CNTNAP2: variants seen among roughly 807,000 people sequenced by gnomAD.
CNTNAP2 encodes the protein contactin-associated protein-like 2.
A neutral mutation model predicts 155.2 loss-of-function variants in CNTNAP2; 98 were observed. The observed-to-expected ratio is 0.63, with a 90% CI of 0.54 to 0.75. The LOEUF (loss-of-function observed/expected upper bound fraction) is 0.75. CNTNAP2 is among the 30% of genes least tolerant of loss of function. CNTNAP2 has a pLI of 0.00. For missense variants in CNTNAP2, 1,727 were observed against 1,688.1 expected, an observed-to-expected ratio of 1.02 and a Z score of -0.40; for synonymous variants, 651 against 631.2, an observed-to-expected ratio of 1.03 and a Z score of -0.47.
At chr7:146,915,759 C>G (rs1230626650) in intron 3 of CNTNAP2, 2 of 151,950 alleles carry the variant, frequency 1.3e-5, no homozygotes, top group East Asian at 3.9e-4. Context: ...AGAATTATAT[C>G]ATCAGCAAAA....
intron 13 of CNTNAP2, among the ~76,000 whole-genome samples, chr7:147,861,108 A>C (rs1799126862): frequency 6.6e-6 from 1 of 152,140 alleles, no homozygotes; most frequent in Non-Finnish European, 1.5e-5. Flanking sequence ...TGTGATAAGG[A>C]TTTTCACCTC....
chr7:147,182,143 A>AAAAAG (rs1802471777), intron 8 of CNTNAP2, among the ~76,000 whole-genome samples: 1 of 150,954 alleles, frequency 6.6e-6, no homozygotes, highest in South Asian at 2.1e-4. Flanking sequence ...AAAAAAAAAA[A>AAAAAG]AAAGAAAGTA....
In CNTNAP2 at chr7:146,814,901, G is replaced by T. The variant is rs772846031; in HGVS notation, c.209-24810G>T. 3.5e-4 allele frequency among the ~76,000 whole-genome samples: 53 copies of T among 152,114 alleles called. 1 individual carries two copies. The highest frequency in any genetic ancestry group is 7.4e-5 in the Non-Finnish European group (5 of 68,020). ...TTATGACACACCCACTTATCAGTAA[G>T]ACACGAATGTAACATTTCCTGAGAT... On this transcript the variant is annotated intron_variant, in intron 2 of 23. Coordinates refer to ENST00000361727, the MANE Select transcript of CNTNAP2 (RefSeq NM_014141.6).
At chr7:146,840,138 A>C (rs1803692699) in intron 3 of CNTNAP2, among the ~76,000 whole-genome samples, 1 of 152,242 alleles carries the variant, frequency 6.6e-6, no homozygotes, top group African/African-American at 2.4e-5. Flanking sequence ...AGGAAGTTTT[A>C]AAGCACGTAG....
intron 13 of CNTNAP2, among the ~76,000 whole-genome samples, chr7:147,880,131 C>T (rs1245429859): frequency 6.6e-6 from 1 of 152,186 alleles, no homozygotes; most frequent in African/African-American, 2.4e-5. Flanking sequence ...GAGAAGTGGT[C>T]AGAATTTCCT....
At chr7:147,292,792 A>G (rs964262639) in intron 8 of CNTNAP2, among the ~76,000 whole-genome samples, 27 of 152,250 alleles carry the variant, frequency 1.8e-4, no homozygotes, top group Non-Finnish European at 3.4e-4. Context: ...TATTTGAGAC[A>G]GGGTTTTGCT....
At chr7:148,111,090 C>T (rs1213711464) in intron 15 of CNTNAP2, among the ~76,000 whole-genome samples, 1 of 152,122 alleles carries the variant, frequency 6.6e-6, no homozygotes, top group African/African-American at 2.4e-5. Context: ...AAATCCACCA[C>T]CATCCCAGAC....
chr7:146,833,973 G>A (rs1041032819), intron 2 of CNTNAP2, among the ~76,000 whole-genome samples: 11 of 152,068 alleles, frequency 7.2e-5, no homozygotes, highest in Non-Finnish European at 1.5e-4. Context: ...GGGTCTCAAA[G>A]CCTGAACTCA....
intron 10 of CNTNAP2, among the ~76,000 whole-genome samples, chr7:147,425,134 A>C (rs62481223): frequency 2.5e-4 from 33 of 130,064 alleles, no homozygotes; most frequent in African/African-American, 7.2e-4. Context: ...TTGCAAGTGG[A>C]ATTTTTTTTT....
At chr7:146,681,284 G>A (rs1339100169) in intron 1 of CNTNAP2, among the ~76,000 whole-genome samples, 1 of 150,244 alleles carries the variant, frequency 6.7e-6, no homozygotes, top group South Asian at 2.1e-4. Flanking sequence ...AGACAGGAGG[G>A]GTTGGGAAAG....
chr7:148,021,274 C>T (rs904871463), intron 15 of CNTNAP2, among the ~76,000 whole-genome samples: 1 of 152,248 alleles, frequency 6.6e-6, no homozygotes, highest in South Asian at 2.1e-4. Context: ...GTGCCACTGT[C>T]GGCCACGTAT....
intron 19 of CNTNAP2, among the ~76,000 whole-genome samples, chr7:148,217,738 G>T (rs1795671189): frequency 6.6e-6 from 1 of 152,222 alleles, no homozygotes; most frequent in Admixed American, 6.5e-5. Flanking sequence ...GAGTAATAAT[G>T]TTGGTGAGGC....
At chr7:147,370,139 A>C (rs1409807546) in intron 9 of CNTNAP2, among the ~76,000 whole-genome samples, 1 of 142,668 alleles carries the variant, frequency 7.0e-6, no homozygotes, top group Non-Finnish European at 1.6e-5. Context: ...CTCTGTGTGC[A>C]TGAGAGTGTG....
At position 146,852,718 on chromosome 7, in the gene CNTNAP2, G is replaced by T. The variant is rs565036561; in HGVS notation, c.402+12814G>T. ...CCAAAACAGCTTTCCCCAATTAAAA[G>T]TTGAGGTTGAATTGCTAATTTCATT... On this transcript the variant is annotated intron_variant, in intron 3 of 23. Transcript: ENST00000361727. Among the ~76,000 whole-genome samples the T allele has an allele frequency of 9.8e-5, 15 of 152,310 alleles. No homozygotes were observed. In the South Asian group the frequency reaches 2.3e-3, roughly 23 times the overall value.
chr7:148,059,081 G>GACCA (rs1803080053), intron 15 of CNTNAP2, among the ~76,000 whole-genome samples: 1 of 151,834 alleles, frequency 6.6e-6, no homozygotes, highest in Non-Finnish European at 1.5e-5. Context: ...AGGAATTCGA[G>GACCA]ACCAACCTGG....
At chr7:147,972,639 G>A (rs570365047) in intron 14 of CNTNAP2, among the ~76,000 whole-genome samples, 7 of 152,282 alleles carry the variant, frequency 4.6e-5, no homozygotes, top group African/African-American at 1.7e-4. Flanking sequence ...GATGGAAATA[G>A]CATGTAAGAG....
intron 8 of CNTNAP2, among the ~76,000 whole-genome samples, chr7:147,213,189 G>A (rs1168071460): frequency 1.3e-5 from 2 of 152,112 alleles, no homozygotes; most frequent in African/African-American, 4.8e-5. Context: ...AAGAATCAGG[G>A]AAGGCAATTT....
intron 4 of CNTNAP2, chr7:147,083,327 A>G (rs1800178678): frequency 6.6e-6 from 1 of 151,996 alleles, no homozygotes; most frequent in Admixed American, 6.6e-5. Context: ...AGCCTTCAAA[A>G]GTATTAATGA....
At chr7:148,383,060 G>A (rs1799103427) in intron 21 of CNTNAP2, among the ~76,000 whole-genome samples, 1 of 152,168 alleles carries the variant, frequency 6.6e-6, no homozygotes, top group South Asian at 2.1e-4. Context: ...TGATTGGGTT[G>A]GGAAAGTTTC....
Sources: allele counts gnomAD v4.1 joint callset (sites outside exome capture counted in the v4.1 genomes callset), GRCh38; gene constraint gnomAD v4.1.1; transcripts MANE v1.5; gene names NCBI Gene and HGNC (gene_info 2026-07-23, HGNC 2026-07-21).